The following VTI1A variants were observed in gnomAD, a reference collection of about 807,000 sequenced individuals.
The protein encoded by VTI1A is vesicle transport through interaction with t-SNAREs homolog 1A.
VTI1A carries 22 observed loss-of-function variants against 34.9 expected under a neutral mutation model. That is an observed-to-expected ratio of 0.63 (90% CI 0.45 to 0.90). VTI1A has a LOEUF of 0.90. Among genes scored for constraint, VTI1A ranks in the 40% least tolerant of loss-of-function variants. The pLI is 0.00. For synonymous variants in VTI1A, 87 were observed against 97.3 expected (o/e 0.89, Z 0.62); for missense variants, 268 against 275.6 (o/e 0.97, Z 0.20).
At chr10:112,701,385 G>A (rs1005030514) in intron 7 of VTI1A, among the ~76,000 whole-genome samples, 2 of 152,176 alleles carry the variant, frequency 1.3e-5, no homozygotes, top group Non-Finnish European at 2.9e-5. Context: ...GGGAAATTTA[G>A]GGGGGCTCTT....
intron 4 of VTI1A, among the ~76,000 whole-genome samples, chr10:112,537,212 G>A (rs983786619): frequency 2.7e-5 from 4 of 150,578 alleles, no homozygotes. Flanking sequence ...AAACTGATTT[G>A]AGAAGGGAAG....
chr10:112,685,706 C>T (rs1345286541), intron 7 of VTI1A, among the ~76,000 whole-genome samples: 2 of 152,016 alleles, frequency 1.3e-5, no homozygotes, highest in Non-Finnish European at 2.9e-5. Flanking sequence ...TCCCATCAAC[C>T]TCATGTTATT....
chr10:112,824,440 A>T, the VTI1A span: 1 of 152,390 alleles, frequency 6.6e-6, no homozygotes, highest in Non-Finnish European at 1.5e-5. Context: ...CTGGGCGTGG[A>T]GGCGCGTGCC....
chr10:112,704,194 C>G (rs1849112471), intron 7 of VTI1A, among the ~76,000 whole-genome samples: 1 of 152,126 alleles, frequency 6.6e-6, no homozygotes, highest in South Asian at 2.1e-4. Context: ...AAGTTCCTGG[C>G]TACTTGACTG....
At chr10:112,801,669 G>T (rs1004734121) in intron 7 of VTI1A, among the ~76,000 whole-genome samples, 5 of 152,062 alleles carry the variant, frequency 3.3e-5, no homozygotes, top group African/African-American at 1.2e-4. Context: ...ATAAAAAATC[G>T]TGTGGTACCA....
chr10:112,848,156 A>G, the VTI1A span, among the ~76,000 whole-genome samples: 5,482 of 152,290 alleles, frequency 0.036, 187 homozygotes, highest in African/African-American at 0.091. Flanking sequence ...GGCTCTTCCC[A>G]GCTTCTTGGC....
rs1853518902 is a variant in VTI1A, at chr10:112,816,246, A to G, written c.*863A>G. 1.4e-5 allele frequency: 3 copies of G among 215,334 alleles called. No individual in the cohort carries two copies. Among genetic ancestry groups the G allele is most frequent in the East Asian group, 6.9e-5 (1 of 14,406 alleles). The allele number at this position is 215,334 out of a possible 1,614,324, so 13.3% of individuals were successfully genotyped here. A position where few individuals can be genotyped will look rare whatever the true frequency, so the allele number is the denominator to read the frequency against. On this transcript the variant is annotated 3_prime_UTR_variant, in exon 8 of 8. Transcript: ENST00000393077. ...CCTCATACTTGCAAAAGGTCTGACAAGGTTCTCTCCACATACATTCCAGTA... is the reference window on the plus strand; with the variant it reads ...CCTCATACTTGCAAAAGGTCTGACAGGGTTCTCTCCACATACATTCCAGTA...
At chr10:112,853,754 A>G in the VTI1A span, among the ~76,000 whole-genome samples, 1 of 152,212 alleles carries the variant, frequency 6.6e-6, no homozygotes, top group Non-Finnish European at 1.5e-5. Flanking sequence ...CCAAAAACTC[A>G]TCATAAGGAA....
At chr10:112,720,430 T>G (rs1849762106) in intron 7 of VTI1A, among the ~76,000 whole-genome samples, 1 of 152,232 alleles carries the variant, frequency 6.6e-6, no homozygotes, top group South Asian at 2.1e-4. Flanking sequence ...TATCTCATGG[T>G]GGCTTTGGTT....
chr10:112,554,445 G>T (rs191325107), intron 5 of VTI1A, among the ~76,000 whole-genome samples: 2 of 152,272 alleles, frequency 1.3e-5, no homozygotes, highest in Admixed American at 1.3e-4. Flanking sequence ...TGTGACACAT[G>T]TACCATAATA....
intron 7 of VTI1A, among the ~76,000 whole-genome samples, chr10:112,691,567 A>T (rs958943311): frequency 2.6e-5 from 4 of 152,210 alleles, no homozygotes; most frequent in Non-Finnish European, 5.9e-5. Context: ...GTTGAGGGCT[A>T]TGCCTGTATC....
intron 7 of VTI1A, among the ~76,000 whole-genome samples, chr10:112,804,100 A>G (rs1053225533): frequency 1.3e-5 from 2 of 152,202 alleles, no homozygotes; most frequent in Admixed American, 1.3e-4. Flanking sequence ...ATCTAAACCC[A>G]TCGGACTTAT....
At chr10:112,682,829 C>T (rs1848264309) in intron 7 of VTI1A, among the ~76,000 whole-genome samples, 1 of 152,144 alleles carries the variant, frequency 6.6e-6, no homozygotes, top group South Asian at 2.1e-4. Flanking sequence ...TTGGAGAGCT[C>T]GCTCCTGATC....
chr10:112,819,232 TA>T (rs1246953571), downstream of VTI1A, among the ~76,000 whole-genome samples: 10 of 152,144 alleles, frequency 6.6e-5, no homozygotes, highest in Non-Finnish European at 1.2e-4. Context: ...GAGAATTAAC[TA>T]GGAGTGATGA....
intron 3 of VTI1A, among the ~76,000 whole-genome samples, chr10:112,488,373 T>G (rs1270351050): frequency 1.3e-5 from 2 of 152,222 alleles, no homozygotes; most frequent in African/African-American, 4.8e-5. Context: ...CAACTAGCTA[T>G]TCTCTGTATT....
At position 112,572,644 on chromosome 10, in the gene VTI1A, T is replaced by C. The variant is rs971758866; in HGVS notation, c.427+34314T>C. Among the ~76,000 whole-genome samples, 55 of 152,078 alleles carry C rather than the reference T, an allele frequency of 3.6e-4. 1 individual carries two copies. The highest frequency in any genetic ancestry group is 8.4e-4 in the African/African-American group (35 of 41,516). ...ACGAGGTCAGGAGATCGAGACCATC[T>C]TGGCTAACACGGTGAAACCCCGTCT... On this transcript the variant is annotated intron_variant, in intron 5 of 7. Transcript: ENST00000393077.
At chr10:112,497,599 A>G (rs754803487) in intron 3 of VTI1A, among the ~76,000 whole-genome samples, 4 of 152,202 alleles carry the variant, frequency 2.6e-5, no homozygotes, top group Non-Finnish European at 5.9e-5. Context: ...TGTCTGACAC[A>G]AATTAGGTTT....
intron 5 of VTI1A, among the ~76,000 whole-genome samples, chr10:112,640,130 A>C (rs1039728553): frequency 6.6e-6 from 1 of 152,198 alleles, no homozygotes; most frequent in African/African-American, 2.4e-5. Flanking sequence ...TATCTCTTAA[A>C]TCATTTTTAT....
At position 112,816,990 on chromosome 10, in the gene VTI1A, T is replaced by C. The variant is rs1016141310; in HGVS notation, c.*1607T>C. On this transcript the variant is annotated 3_prime_UTR_variant, in exon 8 of 8. Coordinates refer to ENST00000393077, the MANE Select transcript of VTI1A (RefSeq NM_145206.4). ...ACTTCGGAGGGATGGTGTGGGATTT[T>C]GGCCGAGGGAAGCAGGACAGAGAAG... 1 of 232,108 alleles carries C rather than the reference T, an allele frequency of 4.3e-6. No individual in the cohort carries two copies. The highest frequency in any genetic ancestry group is 8.5e-6 in the Non-Finnish European group (1 of 117,336). 14.4% of individuals were successfully genotyped at this position (232,108 alleles called of 1,614,324 possible). A position where few individuals can be genotyped will look rare whatever the true frequency, so the allele number is the denominator to read the frequency against.
Sources: allele counts gnomAD v4.1 joint callset (sites outside exome capture counted in the v4.1 genomes callset), GRCh38; gene constraint gnomAD v4.1.1; transcripts MANE v1.5; gene names NCBI Gene and HGNC (gene_info 2026-07-23, HGNC 2026-07-21).